KCNJ6: variants seen among roughly 807,000 people sequenced by gnomAD.
The protein encoded by KCNJ6 is G protein-activated inward rectifier potassium channel 2.
Under a neutral mutation model 34.2 loss-of-function variants are expected in KCNJ6, and 9 were observed. The ratio of observed to expected loss-of-function variants is 0.26; its 90% CI spans 0.16 to 0.46. The LOEUF is 0.46. Among genes scored for constraint, KCNJ6 ranks in the 20% least tolerant of loss-of-function variants. The pLI, the probability that KCNJ6 is intolerant of heterozygous loss-of-function variation, is 1.00. For missense variants in KCNJ6, 236 were observed against 531.3 expected, an observed-to-expected ratio of 0.44 and a Z score of 5.46; for synonymous variants, 196 against 207.1, an observed-to-expected ratio of 0.95 and a Z score of 0.46.
chr21:37,817,685 T>C (rs2055353037), intron 2 of KCNJ6, among the ~76,000 whole-genome samples: 1 of 152,226 alleles, frequency 6.6e-6, no homozygotes, highest in Admixed American at 6.5e-5. Flanking sequence ...CTCATCCTGG[T>C]TCAGAAATAA....
At chr21:37,680,045 C>G (rs904292676) in intron 3 of KCNJ6, among the ~76,000 whole-genome samples, 1 of 152,150 alleles carries the variant, frequency 6.6e-6, no homozygotes, top group African/African-American at 2.4e-5. Context: ...ATATCAATGG[C>G]ATAGAGCAAA....
At position 37,609,430 on chromosome 21, in the gene KCNJ6, A is replaced by G. The variant is rs1042502493; in HGVS notation, c.*15729T>C. Reference sequence around the variant, plus strand: ...ACTATTGAAACCTTGGCACTGCTAGAGACTTTTGAACTAATAGCTTTCTGG... The same window carrying G: ...ACTATTGAAACCTTGGCACTGCTAGGGACTTTTGAACTAATAGCTTTCTGG... On this transcript the variant is annotated 3_prime_UTR_variant, in exon 4 of 4. Coordinates refer to ENST00000609713, the MANE Select transcript of KCNJ6 (RefSeq NM_002240.5). The G allele has an allele frequency of 2.0e-5, 3 of 152,216 alleles. No homozygotes were observed. The highest frequency in any genetic ancestry group is 7.2e-5 in the African/African-American group (3 of 41,448). The allele number at this position is 152,216 out of a possible 1,614,324, so 9.4% of individuals were successfully genotyped here. A position where few individuals can be genotyped will look rare whatever the true frequency, so the allele number is the denominator to read the frequency against.
intron 1 of KCNJ6, among the ~76,000 whole-genome samples, chr21:37,841,896 C>T (rs1349198824): frequency 6.6e-6 from 1 of 152,160 alleles, no homozygotes; most frequent in East Asian, 1.9e-4. Flanking sequence ...TGCACTTGTC[C>T]TGTGCAAGTT....
chr21:37,845,724 C>T (rs1024926016), intron 1 of KCNJ6, among the ~76,000 whole-genome samples: 2 of 152,096 alleles, frequency 1.3e-5, no homozygotes, highest in African/African-American at 4.8e-5. Context: ...GCATTTGTGC[C>T]AAAAATAACA....
At chr21:37,887,377 G>C (rs1004071639) in intron 1 of KCNJ6, among the ~76,000 whole-genome samples, 1 of 152,124 alleles carries the variant, frequency 6.6e-6, no homozygotes, top group Non-Finnish European at 1.5e-5. Context: ...TCGGGTTATA[G>C]TTTTCAGTGG....
chr21:37,647,180 A>G (rs1367012175), intron 3 of KCNJ6, among the ~76,000 whole-genome samples: 1 of 152,148 alleles, frequency 6.6e-6, no homozygotes, highest in Non-Finnish European at 1.5e-5. Flanking sequence ...CTTATTATGC[A>G]TGGGCTATTA....
At position 37,831,026 on chromosome 21, in the gene KCNJ6, G is replaced by A. The variant is rs1034680794; in HGVS notation, c.25+9632C>T. Among the ~76,000 whole-genome samples, 62 of 152,258 alleles carry A rather than the reference G, an allele frequency of 4.1e-4. 1 individual carries two copies. The highest frequency in any genetic ancestry group is 1.4e-3 in the African/African-American group (60 of 41,562). On this transcript the variant is annotated intron_variant, in intron 2 of 3. Coordinates refer to ENST00000609713, the MANE Select transcript of KCNJ6 (RefSeq NM_002240.5). ...GTCCCACCCTGAGGGACATGGGAGG[G>A]AGAAGAAGGGAGAGCAGGCAAGGCG...
rs1452926986 is a variant in KCNJ6, at chr21:37,616,092, C to G, written c.*9067G>C. ...CTGCAGGTGGAGCAGCCCTAGGGAG[C>G]CTCCGCCCCATGGGGCCTCTGCCAG... On this transcript the variant is annotated 3_prime_UTR_variant, in exon 4 of 4. Coordinates refer to ENST00000609713, the MANE Select transcript of KCNJ6 (RefSeq NM_002240.5). 1 of 152,174 alleles carries G rather than the reference C, an allele frequency of 6.6e-6. No homozygotes were observed. The highest frequency in any genetic ancestry group is 1.5e-5 in the Non-Finnish European group (1 of 68,060). The allele number at this position is 152,174 out of a possible 1,614,324, so 9.4% of individuals were successfully genotyped here. A position where few individuals can be genotyped will look rare whatever the true frequency, so the allele number is the denominator to read the frequency against.
chr21:37,801,427 T>C (rs2055268822), intron 2 of KCNJ6, among the ~76,000 whole-genome samples: 1 of 152,218 alleles, frequency 6.6e-6, no homozygotes, highest in East Asian at 1.9e-4. Context: ...GCCTCTCTGG[T>C]GACCCCAGCT....
At chr21:37,707,723 A>ATGTGTGTGTGTG (rs1491422353) in intron 3 of KCNJ6, among the ~76,000 whole-genome samples, 15 of 778 alleles carry the variant, frequency 0.019, no homozygotes, top group African/African-American at 0.024. Context: ...GTATCTGTGC[A>ATGTGTGTGTGTG]TGTGTGTGTG....
At chr21:37,666,848 T>C (rs796789045) in intron 3 of KCNJ6, among the ~76,000 whole-genome samples, 39 of 151,840 alleles carry the variant, frequency 2.6e-4, no homozygotes, top group African/African-American at 8.2e-4. Flanking sequence ...TCTATAACCT[T>C]ACCCCCAACC....
At chr21:37,784,256 G>T (rs2055182918) in intron 2 of KCNJ6, among the ~76,000 whole-genome samples, 1 of 152,154 alleles carries the variant, frequency 6.6e-6, no homozygotes, top group Non-Finnish European at 1.5e-5. Context: ...GAGTCTTGCT[G>T]GCTTTTTATG....
intron 1 of KCNJ6, among the ~76,000 whole-genome samples, chr21:37,913,167 A>G (rs1227981325): frequency 2.6e-5 from 4 of 152,338 alleles, no homozygotes; most frequent in Non-Finnish European, 5.9e-5. Context: ...ACTACCAAGG[A>G]TGAGAGCAGG....
intron 3 of KCNJ6, among the ~76,000 whole-genome samples, chr21:37,653,484 G>T (rs117659747): frequency 1.1e-3 from 174 of 152,298 alleles, no homozygotes; most frequent in Non-Finnish European, 1.9e-3. Flanking sequence ...TATGACAAAG[G>T]AAGGGAGGGA....
intron 2 of KCNJ6, among the ~76,000 whole-genome samples, chr21:37,804,991 T>C (rs1173951658): frequency 6.6e-6 from 1 of 152,188 alleles, no homozygotes; most frequent in Non-Finnish European, 1.5e-5. Flanking sequence ...CTTGATAACA[T>C]TATGCTAAAT....
At chr21:37,743,151 T>C (rs868488508) in intron 2 of KCNJ6, among the ~76,000 whole-genome samples, 1 of 152,178 alleles carries the variant, frequency 6.6e-6, no homozygotes, top group South Asian at 2.1e-4. Flanking sequence ...TTCATGTCTC[T>C]TCCCTGACAG....
rs143289012 is a variant in KCNJ6 at position 37,852,280 on chromosome 21, C to T, written c.-27-11571G>A. On this transcript the variant is annotated intron_variant, in intron 1 of 3. Coordinates refer to ENST00000609713, the MANE Select transcript of KCNJ6 (RefSeq NM_002240.5). The stretch of plus-strand genomic sequence containing the variant: ...CATATGGGGAGCCTGGTCCTCCACA[C>T]GGTTCTGGTAATAATGAGGTATGTC... Among the ~76,000 whole-genome samples the T allele has an allele frequency of 2.6e-3, 392 of 152,292 alleles. 5 individuals carry two copies. The highest frequency in any genetic ancestry group is 8.9e-3 in the African/African-American group (370 of 41,544).
At chr21:37,716,860 T>C (rs1457378870) in intron 2 of KCNJ6, among the ~76,000 whole-genome samples, 1 of 152,248 alleles carries the variant, frequency 6.6e-6, no homozygotes, top group African/African-American at 2.4e-5. Context: ...TAAAGTCTTC[T>C]ACAAGTTTGG....
intron 1 of KCNJ6, among the ~76,000 whole-genome samples, chr21:37,914,006 G>GGGGTGTGTGGGTGTGT: frequency 1.3e-5 from 1 of 79,632 alleles, no homozygotes; most frequent in South Asian, 6.0e-4. Context: ...GAGGCGGATC[G>GGGGTGTGTGGGTGTGT]GGGTGTGTGT....
Sources: gnomAD v4.1 joint callset for allele counts (sites outside exome capture counted in the v4.1 genomes callset) on GRCh38, gnomAD v4.1.1 for gene constraint, MANE v1.5 for transcripts, NCBI Gene and HGNC (gene_info 2026-07-23, HGNC 2026-07-21) for gene names.